The following MROH9 variants were observed in gnomAD, a reference collection of about 807,000 sequenced individuals.
The protein encoded by MROH9 is maestro heat like repeat family member 9, also known as maestro heat-like repeat-containing protein family member 9.
A neutral mutation model predicts 98.2 loss-of-function variants in MROH9; 92 were observed. That is an observed-to-expected ratio of 0.94 (90% CI 0.79 to 1.11). The LOEUF (loss-of-function observed/expected upper bound fraction) is 1.11, where lower values mean the gene tolerates loss of function less well. MROH9 is among the 50% of genes most tolerant of loss of function. MROH9 has a pLI of 0.00. For synonymous variants in MROH9, 397 were observed against 368.9 expected, an observed-to-expected ratio of 1.08 and a Z score of -0.87; for missense variants, 1,057 against 1,014.8, an observed-to-expected ratio of 1.04 and a Z score of -0.57.
chr1:170,971,677 T>A, intron 7 of MROH9, 71 bp from the exon 8 acceptor site: 1 of 1,520,248 alleles, frequency 6.6e-7, no homozygotes, highest in Non-Finnish European at 9.1e-7. Context: ...TATAACAGGA[T>A]CAGATGCATG....
chr1:170,966,166 T>G (rs908484057), intron 7 of MROH9, among the ~76,000 whole-genome samples: 5 of 152,192 alleles, frequency 3.3e-5, no homozygotes, highest in Non-Finnish European at 5.9e-5. Context: ...CAATTTGCAT[T>G]CATGTAAATA....
In MROH9 at chr1:171,064,286, C is replaced by G; in HGVS notation, c.2532C>G (p.Gly844=). Residue 844 remains glycine, a synonymous_variant, in exon 22 of 22, where the codon GGC becomes GGG. Coordinates refer to ENST00000367759, the MANE Select transcript of MROH9 (RefSeq NM_001163629.2). ...KPLYNYNSPN[G]QIDSPTDSKD... ...TTTACAATTATAACTCACCCAATGGCCAGATAGACAGTCCTACAGACAGTA... is the reference window on the plus strand; with the variant it reads ...TTTACAATTATAACTCACCCAATGGGCAGATAGACAGTCCTACAGACAGTA... 1 of 1,550,934 alleles carries G rather than the reference C, an allele frequency of 6.4e-7. No homozygotes were observed. Among genetic ancestry groups the G allele is most frequent in the East Asian group, 2.4e-5 (1 of 40,898 alleles).
rs1448720745 is a variant in MROH9, at chr1:171,011,668, A to G, written c.1597-2449A>G. Among the ~76,000 whole-genome samples, 4 of 152,306 alleles carry G rather than the reference A, an allele frequency of 2.6e-5. No individual in the cohort carries two copies. The South Asian group carries it at 8.3e-4, about 32-fold the overall frequency. On this transcript the variant is annotated intron_variant, in intron 15 of 21. Coordinates refer to ENST00000367759, the MANE Select transcript of MROH9 (RefSeq NM_001163629.2). Reference sequence around the variant, plus strand: ...AAACCTACTAGGATGACGCCCAGACATGTGTAATGTATAAAAGCTGCCCGC... The same window carrying G: ...AAACCTACTAGGATGACGCCCAGACGTGTGTAATGTATAAAAGCTGCCCGC...
Position 170,971,803 on chromosome 1 carries a change from G to A in MROH9, c.536G>A (p.Cys179Tyr). 1 of 1,614,046 alleles carries A rather than the reference G, an allele frequency of 6.2e-7. No homozygotes were observed. The highest frequency in any genetic ancestry group is 2.2e-5 in the East Asian group (1 of 44,874). Reference protein sequence around the residue: ...GLLAAELSLLCSHEDPSIVKQ... With the variant: ...GLLAAELSLLYSHEDPSIVKQ... ...CTGGCAGCAGAGCTGTCTCTTTTGT[G>A]TTCCCATGAAGATCCCTCGATTGTA... is the stretch of plus-strand genomic sequence containing the variant. The change falls in exon 8 of 22, where the codon TGT becomes TAT. Residue 179 changes from cysteine (C) to tyrosine (Y), a missense_variant. Coordinates refer to ENST00000367759, the MANE Select transcript of MROH9 (RefSeq NM_001163629.2).
intron 20 of MROH9, among the ~76,000 whole-genome samples, chr1:171,059,857 C>T (rs1010134271): frequency 2.0e-5 from 3 of 151,986 alleles, no homozygotes; most frequent in African/African-American, 7.3e-5. Context: ...GGGAGGGGAA[C>T]AACACACACC....
At chr1:170,945,389 A>G in intron 1 of MROH9, 131 bp from the exon 2 acceptor site, 3 of 618,748 alleles carry the variant, frequency 4.8e-6, no homozygotes, top group Non-Finnish European at 8.7e-6. Flanking sequence ...TTTGTGATAA[A>G]TTGATGCACA....
chr1:170,942,611 A>G (rs963416143), intron 1 of MROH9, among the ~76,000 whole-genome samples: 3 of 152,142 alleles, frequency 2.0e-5, no homozygotes, highest in African/African-American at 7.2e-5. Context: ...GTTATGGAGT[A>G]ACAGCTGAAT....
chr1:171,035,868 A>G (rs1653083201), intron 20 of MROH9, among the ~76,000 whole-genome samples: 1 of 152,192 alleles, frequency 6.6e-6, no homozygotes, highest in Non-Finnish European at 1.5e-5. Flanking sequence ...TATATCTGAT[A>G]AAGCCGAACA....
intron 20 of MROH9, among the ~76,000 whole-genome samples, chr1:171,043,600 T>C (rs1480479337): frequency 6.6e-6 from 1 of 152,090 alleles, no homozygotes; most frequent in African/African-American, 2.4e-5. Context: ...AAATTGATTC[T>C]TCCAATCCAT....
chr1:171,009,472 C>G (rs879943017), intron 15 of MROH9, among the ~76,000 whole-genome samples: 1 of 152,044 alleles, frequency 6.6e-6, no homozygotes, highest in African/African-American at 2.4e-5. Flanking sequence ...TATTATTTAT[C>G]AGAAAGCAAA....
chr1:170,955,060 G>A (rs974866335), intron 3 of MROH9, among the ~76,000 whole-genome samples: 1 of 152,034 alleles, frequency 6.6e-6, no homozygotes, highest in Non-Finnish European at 1.5e-5. Context: ...AGAACATACG[G>A]TGTTTGGTTT....
chr1:171,017,529 A>C (rs1167959345), intron 17 of MROH9, among the ~76,000 whole-genome samples: 1 of 152,136 alleles, frequency 6.6e-6, no homozygotes, highest in Non-Finnish European at 1.5e-5. Context: ...AGACTGCTGA[A>C]CTCCTGGGGG....
chr1:170,983,605 C>T, intron 9 of MROH9, 71 bp downstream of exon 9: 1 of 899,850 alleles, frequency 1.1e-6, no homozygotes, highest in Non-Finnish European at 1.8e-6. Context: ...CAATTTATTT[C>T]AACAAAGTTT....
intron 11 of MROH9, 60 bp from the exon 12 acceptor site, chr1:170,992,101 ATTC>A: frequency 6.9e-7 from 1 of 1,457,878 alleles, no homozygotes; most frequent in South Asian, 1.5e-5. Context: ...GATTCTTGTT[ATTC>A]TATCAAGTAG....
chr1:170,994,950 C>T (rs1651503932), intron 12 of MROH9, among the ~76,000 whole-genome samples: 1 of 151,894 alleles, frequency 6.6e-6, no homozygotes, highest in South Asian at 2.1e-4. Context: ...GACCTCCCGC[C>T]CATATTGCAG....
Position 171,010,296 on chromosome 1 carries a change from A to C in MROH9, c.1597-3821A>C, listed in dbSNP as rs572421950. 5.9e-5 allele frequency among the ~76,000 whole-genome samples: 9 copies of C among 152,290 alleles called. No individual in the cohort carries two copies. In the South Asian group the frequency reaches 1.9e-3, roughly 32 times the overall value. The stretch of plus-strand genomic sequence containing the variant: ...AACTCATCCCTTTTTATGGTATTCC[A>C]TGGTGTATATGTGCCACATTTTCTT... On this transcript the variant is annotated intron_variant, in intron 15 of 21. Coordinates refer to ENST00000367759, the MANE Select transcript of MROH9 (RefSeq NM_001163629.2).
intron 14 of MROH9, among the ~76,000 whole-genome samples, chr1:170,997,108 C>T (rs1250427259): frequency 6.6e-6 from 1 of 151,950 alleles, no homozygotes; most frequent in Non-Finnish European, 1.5e-5. Context: ...TCTAGTTAAC[C>T]CTTTAGTGAA....
At chr1:171,008,327 G>A (rs1019489950) in intron 15 of MROH9, among the ~76,000 whole-genome samples, 9 of 151,980 alleles carry the variant, frequency 5.9e-5, no homozygotes, top group Admixed American at 1.3e-4. Context: ...CTACAAACTA[G>A]ATATGATTGG....
At chr1:171,011,556 G>T (rs750089166) in intron 15 of MROH9, among the ~76,000 whole-genome samples, 1 of 151,976 alleles carries the variant, frequency 6.6e-6, no homozygotes. Flanking sequence ...TCAAATGACT[G>T]CCATAATCAC....
Sources: gnomAD v4.1 joint callset for allele counts (sites outside exome capture counted in the v4.1 genomes callset) on GRCh38, gnomAD v4.1.1 for gene constraint, MANE v1.5 for transcripts, NCBI Gene and HGNC (gene_info 2026-07-23, HGNC 2026-07-21) for gene names.